Variants in CCDC60 observed in about 807,000 individuals in gnomAD.
The protein encoded by CCDC60 is coiled-coil domain-containing protein 60.
A neutral mutation model predicts 63.5 loss-of-function variants in CCDC60; 54 were observed. That is an observed-to-expected ratio of 0.85 (90% CI 0.68 to 1.07). The LOEUF (loss-of-function observed/expected upper bound fraction) is 1.07, where lower values mean the gene tolerates loss of function less well. Ranked by LOEUF, CCDC60 falls within the 50% of genes least tolerant of loss-of-function variation. The probability of loss-of-function intolerance (pLI) is 0.00; values close to 1 mark genes in which losing one functional copy is unlikely to be tolerated. For synonymous variants in CCDC60, 206 were observed against 238.8 expected (o/e 0.86, Z 1.27); for missense variants, 651 against 684.3 (o/e 0.95, Z 0.54).
intron 12 of CCDC60, 134 bp from the exon 13 acceptor site, chr12:119,530,740 A>C: frequency 4.9e-5 from 30 of 607,872 alleles, no homozygotes; most frequent in Non-Finnish European, 6.9e-5. Flanking sequence ...TCACAGAGGA[A>C]AGGTCCCTAG....
At chr12:119,363,423 CTG>C (rs5801335) in intron 1 of CCDC60, among the ~76,000 whole-genome samples, 74,533 of 150,436 alleles carry the variant, frequency 0.5, 18,679 homozygotes, top group South Asian at 0.57. Context: ...TATGAGTCCT[CTG>C]TGTGTGTGTG....
rs1477811056 is a variant in CCDC60 at position 119,420,487 on chromosome 12, C to T, written c.91-8196C>T. ...CAGAAAGACAAACATCACATGTTCT[C>T]ACTTATTTGTGGGATCTACAAATCA... On this transcript the variant is annotated intron_variant, in intron 1 of 13. Transcript: ENST00000327554. This position sits in a 1 kb window ranked among gnomAD's most constrained non-coding sequence, Gnocchi z 4.1. Among the ~76,000 whole-genome samples, 1 of 152,068 alleles carries T rather than the reference C, an allele frequency of 6.6e-6. No homozygotes were observed. The highest frequency in any genetic ancestry group is 1.5e-5 in the Non-Finnish European group (1 of 68,034).
intron 1 of CCDC60, among the ~76,000 whole-genome samples, chr12:119,396,425 C>G (rs537319506): frequency 6.6e-6 from 1 of 152,090 alleles, no homozygotes; most frequent in African/African-American, 2.4e-5. Flanking sequence ...CAGTGGGAAC[C>G]TAGGAGACCA....
intron 13 of CCDC60, among the ~76,000 whole-genome samples, chr12:119,533,021 T>C (rs1325301119): frequency 6.6e-6 from 1 of 152,226 alleles, no homozygotes; most frequent in Non-Finnish European, 1.5e-5. Flanking sequence ...TGAACTAATT[T>C]ACACTCCCAT....
intron 2 of CCDC60, among the ~76,000 whole-genome samples, chr12:119,441,945 T>C (rs571319322): frequency 6.6e-6 from 1 of 152,356 alleles, no homozygotes; most frequent in South Asian, 2.1e-4. Flanking sequence ...TTGCATATGC[T>C]CAGCTTTAGA....
intron 4 of CCDC60, among the ~76,000 whole-genome samples, chr12:119,482,177 C>CATAT: frequency 6.7e-6 from 1 of 149,598 alleles, no homozygotes; most frequent in East Asian, 1.9e-4. Flanking sequence ...CACACACACA[C>CATAT]ATATATATAT....
At chr12:119,398,159 G>A (rs1956315507) in intron 1 of CCDC60, among the ~76,000 whole-genome samples, 1 of 149,336 alleles carries the variant, frequency 6.7e-6, no homozygotes, top group African/African-American at 2.5e-5. Flanking sequence ...CTCAGGCATG[G>A]CGGGCTGCAG....
chr12:119,481,997 T>A (rs893270855), intron 4 of CCDC60, among the ~76,000 whole-genome samples: 2 of 109,414 alleles, frequency 1.8e-5, no homozygotes, highest in Non-Finnish European at 3.7e-5. Context: ...TATATATATA[T>A]GTATATATAG....
intron 1 of CCDC60, among the ~76,000 whole-genome samples, chr12:119,365,829 A>G (rs972777652): frequency 2.0e-5 from 3 of 152,226 alleles, no homozygotes; most frequent in Admixed American, 2.0e-4. Context: ...TCTCTTTGAT[A>G]GGAGACACAC....
chr12:119,510,988 T>C (rs1251673111), intron 7 of CCDC60, among the ~76,000 whole-genome samples: 1 of 152,154 alleles, frequency 6.6e-6, no homozygotes, highest in Non-Finnish European at 1.5e-5. Flanking sequence ...ACAGTTCAAT[T>C]ACTAAGAAAG....
intron 1 of CCDC60, among the ~76,000 whole-genome samples, chr12:119,382,987 T>G (rs1956023783): frequency 6.6e-6 from 1 of 152,220 alleles, no homozygotes; most frequent in South Asian, 2.1e-4. Context: ...TGCTTGCCTG[T>G]TAGCCATGTT....
chr12:119,472,249 C>A (rs2136327984), intron 3 of CCDC60, 85 bp downstream of exon 3: 2 of 1,297,420 alleles, frequency 1.5e-6, no homozygotes, highest in Non-Finnish European at 2.2e-6. Context: ...CAAGCGAGGG[C>A]AGCTATCTCA....
chr12:119,337,071 G>A (rs1955479322), intron 1 of CCDC60, among the ~76,000 whole-genome samples: 1 of 152,132 alleles, frequency 6.6e-6, no homozygotes, highest in Non-Finnish European at 1.5e-5. Context: ...AACTCACAAG[G>A]GCTCTCCATG....
chr12:119,438,111 C>CTATTTT (rs1950363048), intron 2 of CCDC60, among the ~76,000 whole-genome samples: 1 of 152,168 alleles, frequency 6.6e-6, no homozygotes, highest in South Asian at 2.1e-4. Flanking sequence ...GAGGCCCTAC[C>CTATTTT]TATTTTTCTC....
chr12:119,360,900 G>A (rs951602475), intron 1 of CCDC60, among the ~76,000 whole-genome samples: 82 of 152,160 alleles, frequency 5.4e-4, no homozygotes, highest in Non-Finnish European at 8.4e-4. Flanking sequence ...TCGGGAGGCC[G>A]AGGCTGGCGG....
At chr12:119,426,930 G>A (rs1956911873) in intron 1 of CCDC60, among the ~76,000 whole-genome samples, 1 of 152,096 alleles carries the variant, frequency 6.6e-6, no homozygotes, top group Non-Finnish European at 1.5e-5. Flanking sequence ...AGAGCAGTAG[G>A]CACCATAGCC....
Position 119,477,149 on chromosome 12 carries a change from G to T in CCDC60, c.342-1945G>T, listed in dbSNP as rs60009327. Among the ~76,000 whole-genome samples the T allele has an allele frequency of 4.7e-3, 720 of 152,254 alleles. 7 individuals are homozygous for T. The highest frequency in any genetic ancestry group is 0.016 in the African/African-American group (680 of 41,530). The stretch of plus-strand genomic sequence containing the variant: ...TTCCCTGTGGGCCTCCTCACAGGCT[G>T]CCAGCTTCCCCACAGCATGGCAGCT... On this transcript the variant is annotated intron_variant, in intron 3 of 13. Coordinates refer to ENST00000327554, the MANE Select transcript of CCDC60 (RefSeq NM_178499.5).
At chr12:119,360,891 C>G (rs1347156420) in intron 1 of CCDC60, among the ~76,000 whole-genome samples, 1 of 152,260 alleles carries the variant, frequency 6.6e-6, no homozygotes, top group Admixed American at 6.5e-5. Context: ...CCCGGCACCT[C>G]GGGAGGCCGA....
At chr12:119,458,820 C>T (rs1950797643) in intron 2 of CCDC60, among the ~76,000 whole-genome samples, 1 of 152,116 alleles carries the variant, frequency 6.6e-6, no homozygotes, top group Non-Finnish European at 1.5e-5. Context: ...GATCTCGGCT[C>T]ACAGTAACCT....
Sources: allele counts gnomAD v4.1 joint callset (sites outside exome capture counted in the v4.1 genomes callset), GRCh38; gene constraint gnomAD v4.1.1; non-coding constraint Gnocchi (gnomAD v3.1); transcripts MANE v1.5; gene names NCBI Gene and HGNC (gene_info 2026-07-23, HGNC 2026-07-21).